The following BEND2 variants were observed in gnomAD, a reference collection of about 807,000 sequenced individuals.
BEND2 encodes BEN domain containing 2, also known as BEN domain-containing protein 2.
A neutral mutation model predicts 43.8 loss-of-function variants in BEND2; 19 were observed. The observed-to-expected ratio is 0.43, with a 90% CI of 0.30 to 0.64. The LOEUF (loss-of-function observed/expected upper bound fraction) is 0.64, where lower values mean the gene tolerates loss of function less well. Ranked by LOEUF, BEND2 falls within the 30% of genes least tolerant of loss-of-function variation. The pLI is 0.11. For synonymous variants in BEND2, 226 were observed against 210.1 expected, an observed-to-expected ratio of 1.08 and a Z score of -0.66; for missense variants, 544 against 574.0, an observed-to-expected ratio of 0.95 and a Z score of 0.53.
chrX:18,185,566 T>C (rs11797780), intron 8 of BEND2, among the ~76,000 whole-genome samples: 6,451 of 102,009 alleles, frequency 0.063, 221 homozygotes, highest in Non-Finnish European at 0.096. Flanking sequence ...ATAATAATAA[T>C]AATAATAATA....
intron 10 of BEND2, among the ~76,000 whole-genome samples, chrX:18,177,235 C>T (rs1476132231): frequency 1.6e-5 from 1 of 61,174 alleles, no homozygotes; most frequent in African/African-American, 6.2e-5. Flanking sequence ...CACCCCACCA[C>T]CTTCTGGCAG....
chrX:18,190,846 T>C (rs993316626), intron 8 of BEND2, among the ~76,000 whole-genome samples, 155 bp downstream of exon 8: 32 of 110,046 alleles, frequency 2.9e-4, no homozygotes, highest in African/African-American at 1.0e-3. Flanking sequence ...ATCTGGTGAT[T>C]GCATCAATGT....
intron 12 of BEND2, among the ~76,000 whole-genome samples, chrX:18,173,381 A>C (rs1446141015): frequency 1.8e-5 from 2 of 112,491 alleles, no homozygotes; most frequent in East Asian, 5.6e-4. Context: ...ATAAAGCTAT[A>C]TCATGTCAAT....
In BEND2 at chrX:18,177,608, T is replaced by A. The variant is rs761591084; in HGVS notation, c.1591A>T (p.Ser531Cys). 2.6e-5 allele frequency: 31 copies of A among 1,209,508 alleles called. No homozygotes were observed. The East Asian group carries it at 8.9e-4, about 35-fold the overall frequency. Residue 531 changes from serine to cysteine, a missense_variant, in exon 10 of 14, where the codon AGC becomes TGC. By Grantham distance (112) the Ser-to-Cys change is moderately radical. Transcript: ENST00000380033. ...SSSVDIHLKDSQSLDPNKMAA... is the reference protein window; with the variant it reads ...SSSVDIHLKDCQSLDPNKMAA... ...ATTTTGTTCGGGTCGAGGGATTGGC[T>A]GTCTTTCAAATGGATATCCACTGAG...
rs1924070309 is a variant in BEND2 at position 18,174,249 on chromosome X, G to A, written c.1762C>T (p.Arg588Cys). 1.7e-6 allele frequency: 2 copies of A among 1,208,429 alleles called. No individual in the cohort carries two copies. Among genetic ancestry groups the A allele is most frequent in the South Asian group, 3.5e-5 (2 of 56,694 alleles). ...SEGKSTPKTVRKNKKRTNRVA... is the reference protein window; with the variant it reads ...SEGKSTPKTVCKNKKRTNRVA... ...CGGTTGGTACGTTTTTTATTTTTGC[G>A]AACAGTTTTCTGTTGAAACACAAAA... Residue 588 changes from arginine to cysteine, a missense_variant, in exon 12 of 14, where the codon CGC becomes TGC. Arg to Cys is a radical substitution (Grantham distance 180). This residue lies in a region of BEND2 where 501 missense variants were observed against 501.6 expected (regional missense o/e 1.00). Transcript: ENST00000380033.
chrX:18,209,964 T>C (rs1477766120), intron 4 of BEND2, among the ~76,000 whole-genome samples: 2 of 111,230 alleles, frequency 1.8e-5, no homozygotes, highest in African/African-American at 6.5e-5. Context: ...GTGTCAAGCA[T>C]ATATATGAGA....
chrX:18,171,324 T>C, intron 12 of BEND2, 120 bp from the exon 13 acceptor site: 1 of 809,377 alleles, frequency 1.2e-6, no homozygotes, highest in Non-Finnish European at 1.7e-6. Flanking sequence ...TTTGAGAGGT[T>C]AAAAAATTTA....
At chrX:18,197,869 C>T (rs1925009568) in intron 6 of BEND2, among the ~76,000 whole-genome samples, 1 of 110,910 alleles carries the variant, frequency 9.0e-6, no homozygotes, top group Admixed American at 9.6e-5. Context: ...GCCAGTCTTT[C>T]CCATGCTATT....
intron 8 of BEND2, among the ~76,000 whole-genome samples, chrX:18,190,792 T>TCA (rs1924744740): frequency 1.2e-5 from 1 of 84,805 alleles, no homozygotes; most frequent in Non-Finnish European, 2.4e-5. Context: ...ACACACACAC[T>TCA]CACACACAAA....
At chrX:18,205,312 C>T (rs1351008061) in intron 4 of BEND2, among the ~76,000 whole-genome samples, 2 of 110,211 alleles carry the variant, frequency 1.8e-5, no homozygotes, top group Non-Finnish European at 3.8e-5. Flanking sequence ...GCCTGTAATC[C>T]CAGCACTTTG....
intron 4 of BEND2, 131 bp from the exon 5 acceptor site, chrX:18,204,046 G>C (rs1243800167): frequency 1.9e-6 from 1 of 532,774 alleles, no homozygotes; most frequent in Non-Finnish European, 2.8e-6. Context: ...CACCAACCCA[G>C]TATAAGTCAA....
chrX:18,184,094 A>G (rs1212016609), intron 8 of BEND2, among the ~76,000 whole-genome samples: 1 of 111,652 alleles, frequency 9.0e-6, no homozygotes, highest in Non-Finnish European at 1.9e-5. Context: ...GACCCAGCAC[A>G]GTCCCAGTGG....
At chrX:18,217,878 C>T (rs769703839) in intron 1 of BEND2, among the ~76,000 whole-genome samples, 3 of 109,370 alleles carry the variant, frequency 2.7e-5, no homozygotes, top group South Asian at 4.0e-4. Flanking sequence ...CTCAGAAGTT[C>T]GAGACCAACC....
intron 2 of BEND2, among the ~76,000 whole-genome samples, chrX:18,214,316 A>G (rs1925604703): frequency 8.9e-6 from 1 of 111,742 alleles, no homozygotes; most frequent in African/African-American, 3.3e-5. Flanking sequence ...AAACTCAAAA[A>G]CAGAAAAAAG....
intron 6 of BEND2, among the ~76,000 whole-genome samples, chrX:18,196,057 G>C (rs1038582606): frequency 1.8e-5 from 2 of 111,579 alleles, no homozygotes; most frequent in African/African-American, 6.5e-5. Context: ...CCAACACTTT[G>C]GGAGGCCGAG....
intron 13 of BEND2, among the ~76,000 whole-genome samples, chrX:18,170,534 T>C (rs1366804135): frequency 8.9e-6 from 1 of 112,595 alleles, no homozygotes; most frequent in Non-Finnish European, 1.9e-5. Flanking sequence ...TTGTCCAAAT[T>C]TAAGATTTCA....
intron 6 of BEND2, 53 bp from the exon 7 acceptor site, chrX:18,195,495 T>C (rs1238108711): frequency 1.9e-6 from 2 of 1,070,451 alleles, no homozygotes; most frequent in African/African-American, 3.8e-5. Context: ...GAGGTAAAAC[T>C]ATCCTTCTGG....
Position 18,177,822 on chromosome X carries a change from C to T in BEND2, c.1430-53G>A, listed in dbSNP as rs1197386056. 100 of 996,605 alleles carry T rather than the reference C, an allele frequency of 1.0e-4. No homozygotes were observed. The East Asian group carries it at 2.9e-3, about 29-fold the overall frequency. 82.1% of individuals were successfully genotyped at this position (996,605 alleles called of 1,213,427 possible). A position where few individuals can be genotyped will look rare whatever the true frequency, so the allele number is the denominator to read the frequency against. Reference sequence around the variant, plus strand: ...TCCTTGGTTTTGTCATGCAAGGGTACCCTCAAAGTACACAAGAGAATTACA... The same window carrying T: ...TCCTTGGTTTTGTCATGCAAGGGTATCCTCAAAGTACACAAGAGAATTACA... On this transcript the variant is annotated intron_variant, in intron 9 of 13. Transcript: ENST00000380033.
chrX:18,170,888 A>G (rs1923951494), intron 13 of BEND2, 113 bp downstream of exon 13: 1 of 1,141,074 alleles, frequency 8.8e-7, no homozygotes, highest in Admixed American at 2.3e-5. Flanking sequence ...CTCAGTAATT[A>G]CTAAGTTCCA....
Sources: gnomAD v4.1 joint callset for allele counts (sites outside exome capture counted in the v4.1 genomes callset) on GRCh38, gnomAD v4.1.1 for gene constraint, gnomAD v4.1.1 regional missense constraint, MANE v1.5 for transcripts, NCBI Gene and HGNC (gene_info 2026-07-23, HGNC 2026-07-21) for gene names.